The following CNKSR2 variants were observed in gnomAD, a reference collection of about 807,000 sequenced individuals.
The protein encoded by CNKSR2 is CNK homolog protein 2.
In CNKSR2, 14 loss-of-function variants were observed where a neutral mutation model predicts 84.4. The observed-to-expected ratio is 0.17, with a 90% CI of 0.11 to 0.26. The LOEUF (loss-of-function observed/expected upper bound fraction) is 0.26. CNKSR2 is among the 10% of genes least tolerant of loss of function. CNKSR2 has a pLI of 1.00. For missense variants in CNKSR2, 485 were observed against 771.2 expected, an observed-to-expected ratio of 0.63 and a Z score of 4.40; for synonymous variants, 275 against 277.9, an observed-to-expected ratio of 0.99 and a Z score of 0.10.
intron 4 of CNKSR2, among the ~76,000 whole-genome samples, chrX:21,460,909 A>T (rs1456692991): frequency 8.9e-6 from 1 of 112,198 alleles, no homozygotes; most frequent in East Asian, 2.8e-4. Context: ...ACTCCATTGT[A>T]CTACATTTTC....
chrX:21,492,726 A>G lies in CNKSR2; in HGVS notation c.681+2148A>G, dbSNP rs1307441173. 1.8e-5 allele frequency: 2 copies of G among 112,057 alleles called. 1 individual carries two copies. The highest frequency in any genetic ancestry group is 5.6e-4 in the East Asian group (2 of 3,578). The allele number at this position is 112,057 out of a possible 1,213,427, so 9.2% of individuals were successfully genotyped here. ...AAAACTCAAAATGTTGAATATTAATAGAAAGAGTTAAGTATAAAACTATTT... is the reference window on the plus strand; with the variant it reads ...AAAACTCAAAATGTTGAATATTAATGGAAAGAGTTAAGTATAAAACTATTT... On this transcript the variant is annotated intron_variant, in intron 6 of 21. Transcript: ENST00000379510.
intron 5 of CNKSR2, among the ~76,000 whole-genome samples, chrX:21,484,330 AC>A (rs1328016246): frequency 9.1e-6 from 1 of 109,970 alleles, no homozygotes; most frequent in Non-Finnish European, 1.9e-5. Flanking sequence ...CAAAACAAAA[AC>A]CCATACTTTA....
intron 5 of CNKSR2, among the ~76,000 whole-genome samples, chrX:21,471,341 C>T (rs73203336): frequency 0.037 from 4,161 of 111,636 alleles, 87 homozygotes; most frequent in Non-Finnish European, 0.059. Flanking sequence ...TGTGGAAAGG[C>T]CATCTCCTGC....
At chrX:21,539,731 A>C (rs2091960412) in intron 11 of CNKSR2, among the ~76,000 whole-genome samples, 3 of 111,159 alleles carry the variant, frequency 2.7e-5, no homozygotes, top group Non-Finnish European at 5.7e-5. Flanking sequence ...GTGTGTGTGC[A>C]CAGTAGTGTA....
At chrX:21,553,500 T>G (rs1408175090) in intron 11 of CNKSR2, among the ~76,000 whole-genome samples, 2 of 107,726 alleles carry the variant, frequency 1.9e-5, no homozygotes, top group Non-Finnish European at 3.8e-5. Context: ...TCCATTAGGG[T>G]CCTACATTGT....
At position 21,501,546 on chromosome X, in the gene CNKSR2, C is replaced by G; in HGVS notation, c.768C>G (p.Ile256Met). The change falls in exon 8 of 22, where the codon ATC (isoleucine) becomes ATG (methionine). Residue 256 changes from isoleucine (I) to methionine (M), a missense_variant. Around this residue, in one of 5 missense-constraint regions of CNKSR2, gnomAD observed 109 missense variants for 197.5 expected, o/e 0.55. Transcript: ENST00000379510. ...ENSPADRCKK[I>M]HAGDEVIQVN... Reference sequence around the variant, plus strand: ...CACCTGCAGATCGGTGCAAGAAAATCCATGCTGGCGATGAAGTGATTCAAG... The same window carrying G: ...CACCTGCAGATCGGTGCAAGAAAATGCATGCTGGCGATGAAGTGATTCAAG... 1 of 1,171,996 alleles carries G rather than the reference C, an allele frequency of 8.5e-7. No individual in the cohort carries two copies. The highest frequency in any genetic ancestry group is 1.2e-6 in the Non-Finnish European group (1 of 868,168).
intron 13 of CNKSR2, among the ~76,000 whole-genome samples, chrX:21,585,081 A>G (rs954711173): frequency 6.6e-5 from 7 of 106,439 alleles, no homozygotes; most frequent in Admixed American, 4.1e-4. Flanking sequence ...CATCTCTACT[A>G]AAAATACAAA....
chrX:21,449,869 C>T (rs1410942008), intron 4 of CNKSR2, among the ~76,000 whole-genome samples: 1 of 112,217 alleles, frequency 8.9e-6, no homozygotes, highest in Admixed American at 9.4e-5. Flanking sequence ...ATAGCCATGA[C>T]TGACTTCAAT....
chrX:21,564,709 C>A (rs1466040669), intron 13 of CNKSR2, among the ~76,000 whole-genome samples: 1 of 110,502 alleles, frequency 9.0e-6, no homozygotes, highest in African/African-American at 3.3e-5. Context: ...CTTAAATCAT[C>A]TACTTATTCT....
intron 1 of CNKSR2, chrX:21,421,698 T>C (rs996743108): frequency 1.8e-5 from 2 of 111,140 alleles, no homozygotes; most frequent in African/African-American, 6.6e-5. Flanking sequence ...TTCTTTGTTT[T>C]TTGGAGAGTA....
In CNKSR2 at chrX:21,426,721, C is replaced by T. The variant is rs1393772267; in HGVS notation, c.228+61C>T. 8 of 1,084,552 alleles carry T rather than the reference C, an allele frequency of 7.4e-6. No homozygotes were observed. The East Asian group carries it at 2.7e-4, about 37-fold the overall frequency. The allele number at this position is 1,084,552 out of a possible 1,213,427, so 89.4% of individuals were successfully genotyped here. On this transcript the variant is annotated intron_variant, in intron 2 of 21. Transcript: ENST00000379510. ...CTTTTTCTTCTTTTGTTGCTTTTCCCTTTTTTCTTCTCCTCTTTTGATAAT... is the reference window on the plus strand; with the variant it reads ...CTTTTTCTTCTTTTGTTGCTTTTCCTTTTTTTCTTCTCCTCTTTTGATAAT...
chrX:21,455,284 A>G (rs1228674704), intron 4 of CNKSR2, among the ~76,000 whole-genome samples: 2 of 111,726 alleles, frequency 1.8e-5, no homozygotes, highest in East Asian at 2.8e-4. Context: ...ATAGTGAGAT[A>G]AAAGTGTTAA....
intron 9 of CNKSR2, 105 bp downstream of exon 9, chrX:21,516,736 G>C (rs1163392760): frequency 2.9e-6 from 2 of 698,538 alleles, no homozygotes; most frequent in African/African-American, 2.2e-5. Flanking sequence ...GATTAATCTT[G>C]TATGCTTTTG....
intron 11 of CNKSR2, among the ~76,000 whole-genome samples, chrX:21,542,323 T>C: frequency 8.9e-6 from 1 of 112,229 alleles, no homozygotes. Flanking sequence ...CTTGGGGATG[T>C]TACTCTGGGC....
At chrX:21,439,314 A>G (rs975596933) in intron 3 of CNKSR2, among the ~76,000 whole-genome samples, 13 of 111,643 alleles carry the variant, frequency 1.2e-4, no homozygotes, top group Non-Finnish European at 2.5e-4. Flanking sequence ...ATTGAACAGA[A>G]TGAAAAAAGA....
At chrX:21,483,595 T>A (rs748042899) in intron 5 of CNKSR2, among the ~76,000 whole-genome samples, 14 of 74,894 alleles carry the variant, frequency 1.9e-4, no homozygotes, top group African/African-American at 1.2e-4. Flanking sequence ...TATAATAAAA[T>A]ATATATATAT....
intron 13 of CNKSR2, among the ~76,000 whole-genome samples, chrX:21,589,424 C>G (rs1289287954): frequency 9.0e-6 from 1 of 111,280 alleles, no homozygotes; most frequent in Non-Finnish European, 1.9e-5. Context: ...ATCCAGTTGC[C>G]CCTTATAGAT....
At chrX:21,475,699 A>T (rs2091253439) in intron 5 of CNKSR2, among the ~76,000 whole-genome samples, 1 of 111,221 alleles carries the variant, frequency 9.0e-6, no homozygotes. Flanking sequence ...TGTCCAGAGG[A>T]TAGGGAAGGC....
chrX:21,380,313 A>G (rs1337384746), intron 1 of CNKSR2, among the ~76,000 whole-genome samples: 1 of 111,612 alleles, frequency 9.0e-6, no homozygotes, highest in East Asian at 2.8e-4. Flanking sequence ...GATATTTCGA[A>G]TTTTACTGAA....
Sources: allele counts gnomAD v4.1 joint callset (sites outside exome capture counted in the v4.1 genomes callset), GRCh38; gene constraint gnomAD v4.1.1; regional missense constraint gnomAD v4.1.1; transcripts MANE v1.5; gene names NCBI Gene and HGNC (gene_info 2026-07-23, HGNC 2026-07-21).